POLN: variants seen among roughly 807,000 people sequenced by gnomAD.
The protein encoded by POLN is DNA polymerase N.
In POLN, 108 loss-of-function variants were observed where a neutral mutation model predicts 113.5. The observed-to-expected ratio is 0.95, with a 90% CI of 0.81 to 1.12. The LOEUF is 1.12. Among genes scored for constraint, POLN ranks in the 50% most tolerant of loss-of-function variants. POLN has a pLI of 0.00. For synonymous variants in POLN, 386 were observed against 391.5 expected (o/e 0.99, Z 0.17); for missense variants, 1,097 against 1,077.1 (o/e 1.02, Z -0.26).
At chr4:2,143,157 C>T (rs1328842634) in intron 16 of POLN, among the ~76,000 whole-genome samples, 1 of 151,732 alleles carries the variant, frequency 6.6e-6, no homozygotes, top group Non-Finnish European at 1.5e-5. Context: ...ATAATCTAGG[C>T]TTATACCTAA....
intron 21 of POLN, 95 bp from the exon 22 acceptor site, chr4:2,081,838 A>G (rs1730428987): frequency 3.9e-6 from 4 of 1,012,764 alleles, no homozygotes; most frequent in Middle Eastern, 4.1e-4. Flanking sequence ...ACAGAGGGAC[A>G]GCCGCACTGC....
chr4:2,129,311 C>T, intron 17 of POLN, 55 bp from the exon 18 acceptor site: 3 of 1,086,718 alleles, frequency 2.8e-6, no homozygotes, highest in Non-Finnish European at 2.9e-6. Context: ...TGATGCATAG[C>T]TATTCCTCAA....
intron 8 of POLN, among the ~76,000 whole-genome samples, chr4:2,178,216 T>A (rs12651026): frequency 0.25 from 37,388 of 151,268 alleles, 7,081 homozygotes; most frequent in African/African-American, 0.52. Flanking sequence ...GCATGGGCTC[T>A]CATCACCTCT....
intron 2 of POLN, among the ~76,000 whole-genome samples, chr4:2,241,260 C>G (rs1012117095): frequency 6.6e-6 from 1 of 152,124 alleles, no homozygotes; most frequent in African/African-American, 2.4e-5. Flanking sequence ...TAGGCTAGTT[C>G]TCAGAAAACC....
chr4:2,134,844 T>C (rs1489857869), intron 16 of POLN, among the ~76,000 whole-genome samples: 1 of 152,206 alleles, frequency 6.6e-6, no homozygotes, highest in Non-Finnish European at 1.5e-5. Flanking sequence ...AAGTATGTAA[T>C]ACGTGCGTGT....
intron 20 of POLN, chr4:2,089,875 G>T: frequency 2.1e-6 from 2 of 974,866 alleles, no homozygotes; most frequent in Non-Finnish European, 3.2e-6. Flanking sequence ...ACTGTCTGTA[G>T]ATGACAATCT....
intron 19 of POLN, among the ~76,000 whole-genome samples, chr4:2,125,327 G>A (rs1731552626): frequency 1.3e-5 from 2 of 152,262 alleles, no homozygotes; most frequent in East Asian, 1.9e-4. Flanking sequence ...GAGGGTATAC[G>A]GAGACAGTGA....
intron 19 of POLN, among the ~76,000 whole-genome samples, chr4:2,119,537 T>C (rs1446712033): frequency 6.6e-6 from 1 of 152,186 alleles, no homozygotes; most frequent in Non-Finnish European, 1.5e-5. Context: ...TCTCTCAAAT[T>C]GTGGCTTTAT....
chr4:2,171,814 T>C (rs1732869049), intron 11 of POLN, among the ~76,000 whole-genome samples: 2 of 152,002 alleles, frequency 1.3e-5, no homozygotes, highest in South Asian at 4.1e-4. Flanking sequence ...TTTTGCCTCA[T>C]GGTGAAATAC....
In POLN at chr4:2,241,598, C is replaced by T. The variant is rs1010541257; in HGVS notation, c.-91G>A. 4.1e-6 allele frequency: 4 copies of T among 985,528 alleles called. No individual in the cohort carries two copies. Among genetic ancestry groups the T allele is most frequent in the Non-Finnish European group, 4.8e-6 (4 of 830,100 alleles). 61.0% of individuals were successfully genotyped at this position (985,528 alleles called of 1,614,324 possible). Reference sequence around the variant, plus strand: ...GAGAACAGCAGGAGCAGCAGGGAAGCGCGCGGCCACAATTAAGGGTGCTTC... The same window carrying T: ...GAGAACAGCAGGAGCAGCAGGGAAGTGCGCGGCCACAATTAAGGGTGCTTC... On this transcript the variant is annotated 5_prime_UTR_variant, in exon 2 of 26. Coordinates refer to ENST00000511885, the MANE Select transcript of POLN (RefSeq NM_181808.4).
intron 6 of POLN, among the ~76,000 whole-genome samples, chr4:2,194,632 T>C (rs1241969331): frequency 2.0e-5 from 3 of 152,182 alleles, no homozygotes; most frequent in Admixed American, 2.0e-4. Context: ...AAGAGTTCTG[T>C]GATGAGGTAA....
chr4:2,185,592 A>G (rs1733251207), intron 7 of POLN, among the ~76,000 whole-genome samples: 1 of 152,120 alleles, frequency 6.6e-6, no homozygotes, highest in African/African-American at 2.4e-5. Flanking sequence ...CAAAAATATA[A>G]AAAATTAGCC....
intron 2 of POLN, chr4:2,229,452 AATAG>A (rs1462263713): frequency 5.2e-6 from 2 of 386,848 alleles, no homozygotes; most frequent in Non-Finnish European, 9.1e-6. Flanking sequence ...TATCATAGTA[AATAG>A]ATAACTTATT....
Position 2,179,484 on chromosome 4 carries a change from T to C in POLN, c.1022-19A>G. 1.9e-6 allele frequency: 3 copies of C among 1,609,674 alleles called. No homozygotes were observed. The highest frequency in any genetic ancestry group is 2.5e-6 in the Non-Finnish European group (3 of 1,178,308). ...TCAGCAACTGAAGAGAAAAAGGTCATTCAGTCATCCCAAGAAAAACCAATA... is the reference window on the plus strand; with the variant it reads ...TCAGCAACTGAAGAGAAAAAGGTCACTCAGTCATCCCAAGAAAAACCAATA... On this transcript the variant is annotated intron_variant, in intron 7 of 25. Coordinates refer to ENST00000511885, the MANE Select transcript of POLN (RefSeq NM_181808.4).
At chr4:2,131,929 A>G (rs1450954449) in intron 16 of POLN, among the ~76,000 whole-genome samples, 1 of 152,218 alleles carries the variant, frequency 6.6e-6, no homozygotes, top group African/African-American at 2.4e-5. Flanking sequence ...TCTTGGCAGT[A>G]CCTTGGACAA....
In POLN at chr4:2,111,083, A is replaced by C. The variant is rs543704696; in HGVS notation, c.1983-15150T>G. Among the ~76,000 whole-genome samples the C allele has an allele frequency of 3.0e-4, 46 of 152,366 alleles. 2 individuals are homozygous for C. The South Asian group carries it at 9.3e-3, about 31-fold the overall frequency. ...CCTCCCTGGGATGCAAGGCTGGTTC[A>C]ACATATGAAAATCAATAAACATAAT... On this transcript the variant is annotated intron_variant, in intron 19 of 25. Transcript: ENST00000511885.
chr4:2,167,401 A>G (rs932629679), intron 13 of POLN, among the ~76,000 whole-genome samples: 17 of 152,132 alleles, frequency 1.1e-4, no homozygotes, highest in African/African-American at 4.1e-4. Flanking sequence ...CCCACTCATC[A>G]TGTGCCTGCT....
chr4:2,113,859 AAATAATAATAATAAT>A lies in POLN; in HGVS notation c.1982+14239_1982+14253del, dbSNP rs150255371. Reference sequence around the variant, plus strand: ...GGTGACAGAGCAAGACTCCATTTCAAAATAATAATAATAATAATAATAATAATAATAATAATAATA... The same window carrying A: ...GGTGACAGAGCAAGACTCCATTTCAAAATAATAATAATAATAATAATAATA... On this transcript the variant is annotated intron_variant, in intron 19 of 25. Transcript: ENST00000511885. Among the ~76,000 whole-genome samples the A allele has an allele frequency of 8.2e-3, 1,151 of 140,022 alleles. 16 individuals are homozygous for A. Among genetic ancestry groups the A allele is most frequent in the African/African-American group, 0.025 (950 of 37,924 alleles). The allele number at this position is 140,022 out of a possible 152,430, so 91.9% of individuals were successfully genotyped here.
chr4:2,097,689 G>C (rs1422904273), intron 19 of POLN, among the ~76,000 whole-genome samples: 1 of 152,066 alleles, frequency 6.6e-6, no homozygotes, highest in Non-Finnish European at 1.5e-5. Context: ...TCTTTTTTTA[G>C]AGGTAGGGTC....
Sources: allele counts gnomAD v4.1 joint callset (sites outside exome capture counted in the v4.1 genomes callset), GRCh38; gene constraint gnomAD v4.1.1; transcripts MANE v1.5; gene names NCBI Gene and HGNC (gene_info 2026-07-23, HGNC 2026-07-21).